NLGN1: variants seen among roughly 807,000 people sequenced by gnomAD.
NLGN1 encodes neuroligin 1, also known as neuroligin-1.
Under a neutral mutation model 65.5 loss-of-function variants are expected in NLGN1, and 12 were observed. That is an observed-to-expected ratio of 0.18 (90% confidence interval 0.12 to 0.30). The LOEUF is 0.30. NLGN1 is among the 10% of genes least tolerant of loss of function. The probability of loss-of-function intolerance (pLI) is 1.00; values close to 1 mark genes in which losing one functional copy is unlikely to be tolerated. For synonymous variants in NLGN1, 350 were observed against 359.5 expected, an observed-to-expected ratio of 0.97 and a Z score of 0.30; for missense variants, 750 against 1,007.1, an observed-to-expected ratio of 0.74 and a Z score of 3.46.
chr3:173,965,906 AT>A (rs1413920123), intron 4 of NLGN1, among the ~76,000 whole-genome samples: 4 of 152,140 alleles, frequency 2.6e-5, no homozygotes, highest in Admixed American at 2.6e-4. Context: ...CAGTATATAA[AT>A]ATACATATTT....
intron 4 of NLGN1, among the ~76,000 whole-genome samples, chr3:174,022,518 C>T (rs529491023): frequency 1.3e-5 from 2 of 152,218 alleles, no homozygotes; most frequent in Admixed American, 1.3e-4. Flanking sequence ...AGTAGGTGTC[C>T]TGGAGTCAGT....
intron 4 of NLGN1, among the ~76,000 whole-genome samples, chr3:174,022,452 T>C (rs530376931): frequency 6.6e-6 from 1 of 152,254 alleles, no homozygotes; most frequent in South Asian, 2.1e-4. Context: ...GAGAGAGTCA[T>C]CTTTTAAACA....
At chr3:173,703,181 T>A (rs1767515525) in intron 3 of NLGN1, among the ~76,000 whole-genome samples, 1 of 152,158 alleles carries the variant, frequency 6.6e-6, no homozygotes, top group African/African-American at 2.4e-5. Flanking sequence ...TAACCGAAGT[T>A]ACATTTGCAT....
At chr3:174,060,618 C>CGTAA (rs1459138856) in intron 4 of NLGN1, among the ~76,000 whole-genome samples, 4 of 152,078 alleles carry the variant, frequency 2.6e-5, no homozygotes, top group Non-Finnish European at 4.4e-5. Context: ...CTTGCTTACT[C>CGTAA]CTACACCTTC....
At chr3:173,766,432 C>G (rs1436311338) in intron 3 of NLGN1, among the ~76,000 whole-genome samples, 1 of 152,022 alleles carries the variant, frequency 6.6e-6, no homozygotes, top group Non-Finnish European at 1.5e-5. Context: ...TTCCTATTTT[C>G]CCTCCTCCAT....
At chr3:173,946,348 T>A (rs1432954622) in intron 4 of NLGN1, among the ~76,000 whole-genome samples, 1 of 152,104 alleles carries the variant, frequency 6.6e-6, no homozygotes, top group Non-Finnish European at 1.5e-5. Flanking sequence ...GTACAAATAT[T>A]TGTTTTCTTC....
At chr3:174,288,208 A>G (rs544454827), downstream of NLGN1, among the ~76,000 whole-genome samples, 1 of 151,740 alleles carries the variant, frequency 6.6e-6, no homozygotes, top group South Asian at 2.1e-4. Context: ...AGTGAATTCT[A>G]TTGAGCCAGT....
chr3:173,668,876 G>A (rs973313664), intron 3 of NLGN1, among the ~76,000 whole-genome samples: 7 of 151,856 alleles, frequency 4.6e-5, no homozygotes, highest in African/African-American at 1.7e-4. Flanking sequence ...CGCCCGCCTC[G>A]GCCTCCCAAA....
At chr3:174,138,681 G>A (rs541882404) in intron 4 of NLGN1, among the ~76,000 whole-genome samples, 165 of 152,038 alleles carry the variant, frequency 1.1e-3, no homozygotes, top group Non-Finnish European at 1.4e-3. Flanking sequence ...TGATCCGCCC[G>A]CCTCGGCCTC....
At chr3:173,682,149 AT>A (rs1025658772) in intron 3 of NLGN1, among the ~76,000 whole-genome samples, 1 of 152,148 alleles carries the variant, frequency 6.6e-6, no homozygotes, top group Non-Finnish European at 1.5e-5. Flanking sequence ...TAGTGCCCAC[AT>A]CATTGAGTTT....
intron 2 of NLGN1, among the ~76,000 whole-genome samples, chr3:173,440,283 C>T (rs149795998): frequency 6.6e-6 from 1 of 152,124 alleles, no homozygotes; most frequent in East Asian, 1.9e-4. Flanking sequence ...AAGACTTAAA[C>T]CACTCAAAGT....
At chr3:174,075,246 T>C (rs940972929) in intron 4 of NLGN1, among the ~76,000 whole-genome samples, 2 of 152,186 alleles carry the variant, frequency 1.3e-5, no homozygotes, top group Non-Finnish European at 2.9e-5. Context: ...TAAAGAAATA[T>C]GTTTCCACAT....
chr3:173,630,219 T>A (rs1755469257), intron 3 of NLGN1, among the ~76,000 whole-genome samples: 1 of 152,176 alleles, frequency 6.6e-6, no homozygotes, highest in African/African-American at 2.4e-5. Context: ...TTCCAAGGTA[T>A]GAGGAAGAAT....
intron 4 of NLGN1, among the ~76,000 whole-genome samples, chr3:173,909,876 C>T (rs1739233626): frequency 1.3e-5 from 2 of 152,126 alleles, no homozygotes; most frequent in Admixed American, 1.3e-4. Flanking sequence ...CGGGGTTTCT[C>T]CACGTTGGTC....
intron 4 of NLGN1, among the ~76,000 whole-genome samples, chr3:174,156,872 A>G (rs781769781): frequency 1.8e-4 from 28 of 151,596 alleles, no homozygotes; most frequent in Admixed American, 4.6e-4. Context: ...CTATAGCAAC[A>G]CTTACTCTAG....
At chr3:173,938,299 G>A (rs1029808787) in intron 4 of NLGN1, among the ~76,000 whole-genome samples, 6 of 152,080 alleles carry the variant, frequency 3.9e-5, no homozygotes, top group African/African-American at 1.4e-4. Flanking sequence ...ACGTGAGCAA[G>A]TGCCCCTCCA....
At chr3:173,423,151 C>G (rs979376792) in intron 1 of NLGN1, among the ~76,000 whole-genome samples, 4 of 152,162 alleles carry the variant, frequency 2.6e-5, no homozygotes, top group African/African-American at 9.7e-5. Flanking sequence ...CGAGAACTCT[C>G]TCACTATCAC....
chr3:173,477,725 TAA>T, intron 2 of NLGN1, among the ~76,000 whole-genome samples: 1 of 152,144 alleles, frequency 6.6e-6, no homozygotes, highest in East Asian at 1.9e-4. Flanking sequence ...TCTCTAATGA[TAA>T]GTGATGTTGA....
intron 4 of NLGN1, among the ~76,000 whole-genome samples, chr3:174,027,213 C>A (rs1409596576): frequency 6.6e-6 from 1 of 152,094 alleles, no homozygotes; most frequent in Non-Finnish European, 1.5e-5. Context: ...GTTCTTTATC[C>A]AGCTGTCTAC....
Sources: gnomAD v4.1 joint callset for allele counts (sites outside exome capture counted in the v4.1 genomes callset) on GRCh38, gnomAD v4.1.1 for gene constraint, MANE v1.5 for transcripts, NCBI Gene and HGNC (gene_info 2026-07-23, HGNC 2026-07-21) for gene names.